Variants in FUT8 observed in about 807,000 individuals in gnomAD.
FUT8 encodes the protein alpha-(1,6)-fucosyltransferase.
Under a neutral mutation model 71.3 loss-of-function variants are expected in FUT8, and 29 were observed. The observed-to-expected ratio is 0.41, with a 90% CI of 0.30 to 0.55. FUT8 has a LOEUF of 0.55. FUT8 is among the 20% of genes least tolerant of loss of function. FUT8 has a pLI of 0.34. For synonymous variants in FUT8, 254 were observed against 239.3 expected, an observed-to-expected ratio of 1.06 and a Z score of -0.57; for missense variants, 544 against 702.1, an observed-to-expected ratio of 0.77 and a Z score of 2.55.
intron 3 of FUT8, among the ~76,000 whole-genome samples, chr14:65,587,658 C>T (rs1012263742): frequency 6.6e-6 from 1 of 152,154 alleles, no homozygotes; most frequent in Non-Finnish European, 1.5e-5. Flanking sequence ...AGATTCAGGA[C>T]ACTGAATCTA....
chr14:65,598,505 G>A (rs956326992), intron 3 of FUT8, among the ~76,000 whole-genome samples: 1 of 152,180 alleles, frequency 6.6e-6, no homozygotes, highest in African/African-American at 2.4e-5. Flanking sequence ...GCAGGCGTGA[G>A]CCACTGCGCC....
intron 9 of FUT8, among the ~76,000 whole-genome samples, chr14:65,728,105 G>A: frequency 6.6e-6 from 1 of 152,120 alleles, no homozygotes; most frequent in East Asian, 1.9e-4. Flanking sequence ...CAAGTCTCTA[G>A]GAAGTTCGAA....
intron 3 of FUT8, among the ~76,000 whole-genome samples, chr14:65,581,801 A>T (rs372295112): frequency 3.3e-5 from 5 of 152,052 alleles, no homozygotes; most frequent in Non-Finnish European, 7.4e-5. Context: ...TGTTCTACCC[A>T]TAATTTTCTT....
intron 2 of FUT8, chr14:65,479,661 T>A (rs2139673968): frequency 6.6e-6 from 1 of 152,318 alleles, no homozygotes. Flanking sequence ...CCCTCCTGTT[T>A]TTCCTTCTTT....
chr14:65,656,973 C>G (rs774818325), intron 6 of FUT8, among the ~76,000 whole-genome samples: 1 of 152,110 alleles, frequency 6.6e-6, no homozygotes, highest in African/African-American at 2.4e-5. Context: ...ATATTAGACC[C>G]CAGCCTCTCA....
At chr14:65,395,650 C>T in the FUT8 span, among the ~76,000 whole-genome samples, 5 of 152,220 alleles carry the variant, frequency 3.3e-5, no homozygotes, top group East Asian at 9.6e-4. Flanking sequence ...GTCCCTGGGT[C>T]CAGGCCATGA....
intron 1 of FUT8, among the ~76,000 whole-genome samples, chr14:65,441,751 C>CAA (rs71126746): frequency 1.3e-4 from 9 of 69,464 alleles, no homozygotes; most frequent in East Asian, 4.9e-4. Context: ...GATTCCATCT[C>CAA]AAAAAAAAAA....
chr14:65,697,716 G>T (rs1381487563), intron 7 of FUT8, among the ~76,000 whole-genome samples: 1 of 152,234 alleles, frequency 6.6e-6, no homozygotes, highest in Non-Finnish European at 1.5e-5. Flanking sequence ...GGCCAAGGCA[G>T]GTGGATCACC....
chr14:65,618,434 G>A (rs1419378460), intron 5 of FUT8, among the ~76,000 whole-genome samples: 1 of 151,938 alleles, frequency 6.6e-6, no homozygotes, highest in African/African-American at 2.4e-5. Context: ...AACAAAAATG[G>A]TAAGTAAAGG....
At chr14:65,484,712 T>G (rs2139694704) in intron 2 of FUT8, among the ~76,000 whole-genome samples, 1 of 152,238 alleles carries the variant, frequency 6.6e-6, no homozygotes, top group Middle Eastern at 3.4e-3. Context: ...TGGATTACAT[T>G]GCTTGATTTT....
chr14:65,624,139 G>A lies in FUT8; in HGVS notation c.483-5353G>A, dbSNP rs762403302. The stretch of plus-strand genomic sequence containing the variant: ...AGTTTGAATTTAAGGTTGTATCCTG[G>A]ACTTAATTGTCTTGCTTACATGGTC... On this transcript the variant is annotated intron_variant, in intron 5 of 10. Transcript: ENST00000673929. Among the ~76,000 whole-genome samples the A allele has an allele frequency of 3.4e-4, 52 of 152,258 alleles. 1 individual carries two copies. Among genetic ancestry groups the A allele is most frequent in the Middle Eastern group, 6.8e-3 (2 of 294 alleles).
chr14:65,691,601 A>ATTTC (rs1893596702), intron 7 of FUT8, among the ~76,000 whole-genome samples: 1 of 151,778 alleles, frequency 6.6e-6, no homozygotes, highest in African/African-American at 2.4e-5. Flanking sequence ...ATAATTCTTT[A>ATTTC]TTTATTTATT....
At chr14:65,461,788 T>G (rs1327238587) in intron 2 of FUT8, among the ~76,000 whole-genome samples, 1 of 152,160 alleles carries the variant, frequency 6.6e-6, no homozygotes, top group East Asian at 1.9e-4. Flanking sequence ...GGGCGGCAGC[T>G]GAGAAGATGG....
At chr14:65,634,921 C>CA (rs1478931067) in intron 6 of FUT8, among the ~76,000 whole-genome samples, 1 of 152,138 alleles carries the variant, frequency 6.6e-6, no homozygotes, top group Non-Finnish European at 1.5e-5. Context: ...TTGCATTTGG[C>CA]AGTATGGTCA....
At chr14:65,629,465 G>A (rs745782056) in intron 5 of FUT8, 27 bp from the exon 6 acceptor site, 9 of 1,462,096 alleles carry the variant, frequency 6.2e-6, no homozygotes, top group African/African-American at 2.8e-5. Flanking sequence ...AGACAAGTTC[G>A]ATCTCCATTG....
At chr14:65,542,638 T>A (rs1218597764) in intron 2 of FUT8, among the ~76,000 whole-genome samples, 1 of 152,248 alleles carries the variant, frequency 6.6e-6, no homozygotes, top group African/African-American at 2.4e-5. Flanking sequence ...AGTGCATGTT[T>A]ACTGCACTTT....
chr14:65,359,343 A>T, the FUT8 span, among the ~76,000 whole-genome samples: 1 of 152,210 alleles, frequency 6.6e-6, no homozygotes, highest in Admixed American at 6.5e-5. Context: ...AACATACATA[A>T]CATAAAATTC....
At chr14:65,435,539 T>C (rs551420907) in intron 1 of FUT8, among the ~76,000 whole-genome samples, 4 of 152,272 alleles carry the variant, frequency 2.6e-5, no homozygotes, top group Non-Finnish European at 5.9e-5. Context: ...TGCTGGTTTT[T>C]GGCAATTATG....
intron 7 of FUT8, among the ~76,000 whole-genome samples, chr14:65,699,084 T>C (rs574760318): frequency 2.0e-5 from 3 of 151,720 alleles, no homozygotes; most frequent in African/African-American, 7.3e-5. Context: ...TCTAATAGAA[T>C]CTATTTGAGG....
Sources: allele counts gnomAD v4.1 joint callset (sites outside exome capture counted in the v4.1 genomes callset), GRCh38; gene constraint gnomAD v4.1.1; transcripts MANE v1.5; gene names NCBI Gene and HGNC (gene_info 2026-07-23, HGNC 2026-07-21).